DCC: variants seen among roughly 807,000 people sequenced by gnomAD.
DCC encodes the protein DCC netrin 1 receptor.
DCC carries 58 observed loss-of-function variants against 172.5 expected under a neutral mutation model. The ratio of observed to expected loss-of-function variants is 0.34; its 90% confidence interval spans 0.27 to 0.42. The LOEUF (loss-of-function observed/expected upper bound fraction) is 0.42. Among genes scored for constraint, DCC ranks in the 10% least tolerant of loss-of-function variants. DCC has a pLI of 1.00. For missense variants in DCC, 1,740 were observed against 1,791.0 expected (o/e 0.97, Z 0.51); for synonymous variants, 709 against 644.5 (o/e 1.10, Z -1.52).
chr18:52,922,261 G>A (rs8094205), intron 3 of DCC, among the ~76,000 whole-genome samples: 3 of 151,846 alleles, frequency 2.0e-5, no homozygotes, highest in Non-Finnish European at 4.4e-5. Context: ...ATTTCTCCAC[G>A]CAAAGAATAC....
chr18:53,177,439 A>C (rs2055121418), intron 8 of DCC, among the ~76,000 whole-genome samples: 1 of 152,222 alleles, frequency 6.6e-6, no homozygotes, highest in Non-Finnish European at 1.5e-5. Context: ...TAGCAGTGCT[A>C]GTTAAAATGA....
At chr18:52,757,821 A>T (rs1039266781) in intron 2 of DCC, among the ~76,000 whole-genome samples, 1 of 152,178 alleles carries the variant, frequency 6.6e-6, no homozygotes, top group Non-Finnish European at 1.5e-5. Context: ...CCAAATTGAC[A>T]GGTTAAGAAC....
intron 12 of DCC, among the ~76,000 whole-genome samples, chr18:53,278,846 G>A (rs2056835537): frequency 6.6e-6 from 1 of 152,146 alleles, no homozygotes; most frequent in South Asian, 2.1e-4. Context: ...GTGAGGCACA[G>A]AGAGGTAAAT....
intron 1 of DCC, among the ~76,000 whole-genome samples, chr18:52,740,450 T>C (rs2036802527): frequency 6.6e-6 from 1 of 152,204 alleles, no homozygotes; most frequent in South Asian, 2.1e-4. Context: ...TGAAAATCGC[T>C]ATTTGGCCTC....
At chr18:52,820,137 T>C (rs1164096381) in intron 2 of DCC, among the ~76,000 whole-genome samples, 1 of 152,176 alleles carries the variant, frequency 6.6e-6, no homozygotes, top group African/African-American at 2.4e-5. Context: ...ATTGCTAAAG[T>C]AGACTTAGAT....
intron 25 of DCC, among the ~76,000 whole-genome samples, chr18:53,481,306 A>G (rs996840760): frequency 6.6e-6 from 1 of 152,164 alleles, no homozygotes; most frequent in African/African-American, 2.4e-5. Context: ...CAAGGAGTAG[A>G]ACTAGGTAAC....
intron 3 of DCC, among the ~76,000 whole-genome samples, chr18:52,922,198 T>C (rs1309309355): frequency 6.6e-6 from 1 of 152,160 alleles, no homozygotes; most frequent in African/African-American, 2.4e-5. Context: ...TTTATTTTTG[T>C]TGCTGGAACA....
At chr18:52,648,781 GA>G (rs570024105) in intron 1 of DCC, among the ~76,000 whole-genome samples, 257 of 152,196 alleles carry the variant, frequency 1.7e-3, no homozygotes, top group African/African-American at 6.0e-3. Flanking sequence ...AATTTTAAGA[GA>G]AAAAAATGTG....
At position 52,925,236 on chromosome 18, in the gene DCC, C is replaced by T. The variant is rs1458677597; in HGVS notation, c.851C>T (p.Ser284Phe). Reference sequence around the variant, plus strand: ...TGCACCTTCCCTATGTCTTGCAGGTCTAAAAAGTATTCTTTATTGGGTGGA... The same window carrying T: ...TGCACCTTCCCTATGTCTTGCAGGTTTAAAAAGTATTCTTTATTGGGTGGA... ...LRGEEVIQLR[S>F]KKYSLLGGSN... The change falls in exon 5 of 29, where the codon TCT (serine) becomes TTT (phenylalanine). Residue 284 changes from serine (S) to phenylalanine (F), a missense_variant and splice_region_variant. Coordinates refer to ENST00000442544, the MANE Select transcript of DCC (RefSeq NM_005215.4). The T allele has an allele frequency of 5.0e-6, 8 of 1,611,856 alleles. No homozygotes were observed. The Admixed American group carries it at 1.3e-4, about 27-fold the overall frequency.
At chr18:53,260,706 G>A (rs1479000271) in intron 12 of DCC, among the ~76,000 whole-genome samples, 2 of 152,130 alleles carry the variant, frequency 1.3e-5, no homozygotes, top group African/African-American at 4.8e-5. Context: ...CATGTGCTGG[G>A]AGAACCACTA....
chr18:53,263,559 A>G (rs142442222), intron 12 of DCC, among the ~76,000 whole-genome samples: 1 of 152,326 alleles, frequency 6.6e-6, no homozygotes, highest in East Asian at 1.9e-4. Flanking sequence ...GAACAGAAGT[A>G]GTTATTATAA....
intron 13 of DCC, among the ~76,000 whole-genome samples, chr18:53,314,960 G>T (rs1477711401): frequency 2.6e-5 from 4 of 151,970 alleles, no homozygotes; most frequent in African/African-American, 9.7e-5. Flanking sequence ...CCTCTAAACT[G>T]CTTTCTTTTT....
chr18:52,551,596 T>C (rs2032771541), intron 1 of DCC, among the ~76,000 whole-genome samples: 1 of 152,008 alleles, frequency 6.6e-6, no homozygotes, highest in African/African-American at 2.4e-5. Flanking sequence ...CCTACATTTT[T>C]AGTAGTAACA....
chr18:52,935,033 C>T (rs2040361475), intron 5 of DCC: 1 of 152,162 alleles, frequency 6.6e-6, no homozygotes, highest in African/African-American at 2.4e-5. Flanking sequence ...GTATGCGTTA[C>T]AGAACAATCA....
intron 14 of DCC, among the ~76,000 whole-genome samples, chr18:53,327,049 T>C (rs1449811777): frequency 6.6e-6 from 1 of 152,184 alleles, no homozygotes; most frequent in Admixed American, 6.5e-5. Flanking sequence ...TATTTGCAGA[T>C]TGTTAAAGGA....
At chr18:52,638,232 A>G (rs554881354) in intron 1 of DCC, among the ~76,000 whole-genome samples, 1 of 152,232 alleles carries the variant, frequency 6.6e-6, no homozygotes, top group East Asian at 1.9e-4. Flanking sequence ...CATAAATCAC[A>G]CAGGACCTAT....
intron 21 of DCC, among the ~76,000 whole-genome samples, chr18:53,430,323 G>A (rs758223345): frequency 4.6e-5 from 7 of 152,120 alleles, no homozygotes; most frequent in Non-Finnish European, 7.4e-5. Flanking sequence ...TTGTATGAAC[G>A]TCGTCCTGGA....
In DCC at chr18:53,086,230, G is replaced by A. The variant is rs572295631; in HGVS notation, c.1261+20064G>A. Among the ~76,000 whole-genome samples the A allele has an allele frequency of 9.8e-5, 3 of 30,500 alleles. 1 individual carries two copies. Among genetic ancestry groups the A allele is most frequent in the Non-Finnish European group, 1.7e-4 (3 of 17,680 alleles). The allele number at this position is 30,500 out of a possible 152,430, so 20.0% of individuals were successfully genotyped here. On this transcript the variant is annotated intron_variant, in intron 7 of 28. Coordinates refer to ENST00000442544, the MANE Select transcript of DCC (RefSeq NM_005215.4). ...TCTTTCCTTCCCTTCTTCTTCTTCC[G>A]TTCTTCTTCTTCTTCTTCCTTTCTT...
intron 1 of DCC, among the ~76,000 whole-genome samples, chr18:52,408,460 A>G (rs1986731314): frequency 1.3e-5 from 2 of 152,080 alleles, no homozygotes. Context: ...CATTTTAGAA[A>G]TATGAGATAA....
Sources: gnomAD v4.1 joint callset for allele counts (sites outside exome capture counted in the v4.1 genomes callset) on GRCh38, gnomAD v4.1.1 for gene constraint, MANE v1.5 for transcripts, NCBI Gene and HGNC (gene_info 2026-07-23, HGNC 2026-07-21) for gene names.